Variants in ZBTB21 observed in about 807,000 individuals in gnomAD.
The protein encoded by ZBTB21 is zinc finger and BTB domain containing 21.
ZBTB21 carries 10 observed loss-of-function variants against 39.8 expected under a neutral mutation model. The observed-to-expected ratio is 0.25, with a 90% CI of 0.16 to 0.43. The LOEUF is 0.43. ZBTB21 is among the 20% of genes least tolerant of loss of function. The pLI is 1.00. For missense variants in ZBTB21, 1,221 were observed against 1,296.3 expected, an observed-to-expected ratio of 0.94 and a Z score of 0.89; for synonymous variants, 551 against 498.8, an observed-to-expected ratio of 1.10 and a Z score of -1.40.
chr21:41,991,112 T>C lies in ZBTB21; in HGVS notation c.2984A>G (p.Lys995Arg). 1.2e-6 allele frequency: 2 copies of C among 1,613,398 alleles called. No homozygotes were observed. Among genetic ancestry groups the C allele is most frequent in the Non-Finnish European group, 1.7e-6 (2 of 1,179,654 alleles). The change falls in exon 3 of 3, where the codon AAG becomes AGG. Residue 995 changes from lysine to arginine, a missense_variant. Around this residue, in one of 4 missense-constraint regions of ZBTB21, gnomAD observed 523 missense variants for 542.5 expected, o/e 0.96. Transcript: ENST00000310826. This position sits in a 1 kb window ranked among gnomAD's most constrained non-coding sequence, Gnocchi z 4.9. ...GCTGTCAGGCTCCAGAGGCTGGATC[T>C]TGGGCAGTGGTGGTGGCGGTGGCAG... is the stretch of plus-strand genomic sequence containing the variant. ...PPLPPPPPLPKIQPLEPDSPT... is the reference protein window; with the variant it reads ...PPLPPPPPLPRIQPLEPDSPT...
intron 1 of ZBTB21, among the ~76,000 whole-genome samples, chr21:42,007,423 T>A (rs749160890): frequency 2.0e-5 from 3 of 152,198 alleles, no homozygotes; most frequent in African/African-American, 7.2e-5. Flanking sequence ...TTACAATTCA[T>A]CTCTCCACCC....
intron 2 of ZBTB21, chr21:42,002,439 A>G (rs1433080907): frequency 3.3e-5 from 5 of 152,214 alleles, no homozygotes; most frequent in Admixed American, 3.3e-4. Context: ...ATCCAGCAAG[A>G]CTGTTTGTGG....
Position 41,987,281 on chromosome 21 carries a change from T to C in ZBTB21, c.*3614A>G, listed in dbSNP as rs915318879. ...GAATTTTTAAAAACACCTGACATTG[T>C]AACTCATTTTTTCTCCTCCAGAATC... On this transcript the variant is annotated 3_prime_UTR_variant, in exon 3 of 3. Transcript: ENST00000310826. 1 of 152,172 alleles carries C rather than the reference T, an allele frequency of 6.6e-6. No individual in the cohort carries two copies. Among genetic ancestry groups the C allele is most frequent in the Non-Finnish European group, 1.5e-5 (1 of 68,024 alleles). The allele number at this position is 152,172 out of a possible 1,614,324, so 9.4% of individuals were successfully genotyped here.
At chr21:42,001,116 G>A (rs550447472) in intron 2 of ZBTB21, among the ~76,000 whole-genome samples, 5 of 152,204 alleles carry the variant, frequency 3.3e-5, no homozygotes, top group Admixed American at 6.5e-5. Context: ...AGGCACAGAC[G>A]GTCAAGTAAC....
At chr21:41,994,875 C>T (rs910816716) in intron 2 of ZBTB21, among the ~76,000 whole-genome samples, 15 of 152,280 alleles carry the variant, frequency 9.9e-5, no homozygotes, top group South Asian at 4.1e-4. Flanking sequence ...GGGTCTTTCT[C>T]GTTCTCTTCT....
Position 41,992,727 on chromosome 21 carries a change from C to G in ZBTB21, c.1369G>C (p.Ala457Pro). Residue 457 changes from alanine to proline, a missense_variant, in exon 3 of 3, where the codon GCC (alanine) becomes CCC (proline). By Grantham distance (27) the Ala-to-Pro change is conservative. Around this residue, in one of 4 missense-constraint regions of ZBTB21, gnomAD observed 500 missense variants for 465.6 expected, o/e 1.07. Transcript: ENST00000310826. This position sits in a 1 kb window ranked among gnomAD's most constrained non-coding sequence, Gnocchi z 4.1. The stretch of plus-strand genomic sequence containing the variant: ...TCTCTTGTGACCGACGAAGATGAGG[C>G]AGCTGCTGTTGTTGCCGCATCTCCC... Reference protein sequence around the residue: ...TVGDAATTAAASSSSVTRDLS... With the variant: ...TVGDAATTAAPSSSSVTRDLS... The G allele has an allele frequency of 6.2e-7, 1 of 1,614,192 alleles. No individual in the cohort carries two copies. Among genetic ancestry groups the G allele is most frequent in the Non-Finnish European group, 8.5e-7 (1 of 1,180,042 alleles).
rs758841154 is a variant in ZBTB21 at position 41,992,612 on chromosome 21, T to C, written c.1484A>G (p.Lys495Arg). The change falls in exon 3 of 3, where the codon AAG becomes AGG. Residue 495 changes from lysine to arginine, a missense_variant. Transcript: ENST00000310826. This position sits in a 1 kb window ranked among gnomAD's most constrained non-coding sequence, Gnocchi z 4.1. ...CCCGTGCTCATTCACCTTTAACTTC[T>C]TAAACGGCAATCTTCGGTCCGCTTG... ...RFQADRRLPF[K>R]KLKVNEHGSP... The C allele has an allele frequency of 8.1e-6, 13 of 1,614,112 alleles. No individual in the cohort carries two copies. Among genetic ancestry groups the C allele is most frequent in the South Asian group, 1.1e-5 (1 of 91,090 alleles).
intron 1 of ZBTB21, among the ~76,000 whole-genome samples, chr21:42,008,260 C>T (rs2065904107): frequency 7.3e-6 from 1 of 137,628 alleles, no homozygotes; most frequent in African/African-American, 2.8e-5. Flanking sequence ...AATCCCAGCA[C>T]TTTGGGAGAC....
In ZBTB21 at chr21:41,991,010, T is replaced by C; in HGVS notation, c.3086A>G (p.Tyr1029Cys). 1 of 1,568,610 alleles carries C rather than the reference T, an allele frequency of 6.4e-7. No individual in the cohort carries two copies. The highest frequency in any genetic ancestry group is 2.2e-5 in the East Asian group (1 of 44,526). ...FVPQESDTLF[Y>C]HAPPLSAITF... ...GATTGCTGAAAGGGGTGGGGCATGGTAAAAAAGGGTGTCTGATTCTTGGGG... is the reference window on the plus strand; with the variant it reads ...GATTGCTGAAAGGGGTGGGGCATGGCAAAAAAGGGTGTCTGATTCTTGGGG... Residue 1029 changes from tyrosine to cysteine, a missense_variant, in exon 3 of 3, where the codon TAC (tyrosine) becomes TGC (cysteine). By Grantham distance (194) the Tyr-to-Cys change is radical. This residue lies in a region of ZBTB21 where 523 missense variants were observed against 542.5 expected (regional missense o/e 0.96). Coordinates refer to ENST00000310826, the MANE Select transcript of ZBTB21 (RefSeq NM_001098402.2). The surrounding 1 kb of genome is among the most constrained non-coding windows in gnomAD (Gnocchi z 4.9).
In ZBTB21 at chr21:41,993,307, T is replaced by G; in HGVS notation, c.789A>C (p.Pro263=). The G allele has an allele frequency of 2.5e-6, 4 of 1,613,350 alleles. No homozygotes were observed. The highest frequency in any genetic ancestry group is 3.4e-6 in the Non-Finnish European group (4 of 1,179,968). ...DDKPGVSGQL[P]KGKALELALK... ...AAGCCAGCTCTAGAGCTTTTCCTTT[T>G]GGAAGCTGACCACTCACACCTGGTT... The change falls in exon 3 of 3, where the codon CCA becomes CCC. Residue 263 remains proline, a synonymous_variant. Coordinates refer to ENST00000310826, the MANE Select transcript of ZBTB21 (RefSeq NM_001098402.2).
chr21:42,003,669 C>T (rs79611575), intron 1 of ZBTB21, among the ~76,000 whole-genome samples: 3 of 152,302 alleles, frequency 2.0e-5, no homozygotes, highest in East Asian at 1.9e-4. Flanking sequence ...GGATTAGGGA[C>T]GCTGAACCAC....
rs1456435834 is a variant in ZBTB21, at chr21:41,988,005, T to C, written c.*2890A>G. The C allele has an allele frequency of 3.3e-5, 5 of 152,140 alleles. No homozygotes were observed. The highest frequency in any genetic ancestry group is 7.4e-5 in the Non-Finnish European group (5 of 68,014). 9.4% of individuals were successfully genotyped at this position (152,140 alleles called of 1,614,324 possible). A position where few individuals can be genotyped will look rare whatever the true frequency, so the allele number is the denominator to read the frequency against. ...ACCAGAAAACCAAGAACATCACACATCTCCCCACAAATGCAAAGAACATCA... is the reference window on the plus strand; with the variant it reads ...ACCAGAAAACCAAGAACATCACACACCTCCCCACAAATGCAAAGAACATCA... On this transcript the variant is annotated 3_prime_UTR_variant, in exon 3 of 3. Transcript: ENST00000310826.
In ZBTB21 at chr21:41,991,805, T is replaced by C. The variant is rs750786740; in HGVS notation, c.2291A>G (p.Gln764Arg). 12 of 1,614,250 alleles carry C rather than the reference T, an allele frequency of 7.4e-6. No individual in the cohort carries two copies. Among genetic ancestry groups the C allele is most frequent in the Non-Finnish European group, 9.3e-6 (11 of 1,180,050 alleles). ...ATACTCACACTTGCTCTCGTGTTCT[T>C]GCTTCAGCTCGGGCGAGAAAAACCT... ...SLRFFSPELK[Q>R]EHESKCEYKK... The change falls in exon 3 of 3, where the codon CAA (glutamine) becomes CGA (arginine). Residue 764 changes from glutamine to arginine, a missense_variant. Around this residue, in one of 4 missense-constraint regions of ZBTB21, gnomAD observed 523 missense variants for 542.5 expected, o/e 0.96. Coordinates refer to ENST00000310826, the MANE Select transcript of ZBTB21 (RefSeq NM_001098402.2). This position sits in a 1 kb window ranked among gnomAD's most constrained non-coding sequence, Gnocchi z 4.9.
At chr21:42,008,540 C>CAA (rs68176203) in intron 1 of ZBTB21, among the ~76,000 whole-genome samples, 1,150 of 60,276 alleles carry the variant, frequency 0.019, 34 homozygotes, top group African/African-American at 0.064. Context: ...GAAACTCTGT[C>CAA]AAAAAAAAAA....
chr21:41,993,913 A>G lies in ZBTB21; in HGVS notation c.183T>C (p.Asn61=). 6.2e-7 allele frequency: 1 copy of G among 1,614,132 alleles called. No individual in the cohort carries two copies. ...ATACAGTTTGTGACTCATTTTCCTT[A>G]TTTGTGAATAAACTCTGAAAGTATT... The part of the protein sequence containing the change: ...SSEYFQSLFT[N]KENESQTVFQ... The change falls in exon 3 of 3, where the codon AAT becomes AAC. Residue 61 remains asparagine (N), a synonymous_variant. Transcript: ENST00000310826.
Position 41,993,946 on chromosome 21 carries a change from G to A in ZBTB21, c.150C>T (p.Ala50=). Residue 50 remains alanine (A), a synonymous_variant, in exon 3 of 3, where the codon GCC becomes GCT. Coordinates refer to ENST00000310826, the MANE Select transcript of ZBTB21 (RefSeq NM_001098402.2). Reference sequence around the variant, plus strand: ...ATAAACTCTGAAAGTATTCGCTGCTGGCAGCCAAGACGTTTTTATGAGCTC... The same window carrying A: ...ATAAACTCTGAAAGTATTCGCTGCTAGCAGCCAAGACGTTTTTATGAGCTC... ...KFRAHKNVLA[A]SSEYFQSLFT... The A allele has an allele frequency of 6.2e-7, 1 of 1,614,238 alleles. No individual in the cohort carries two copies. The highest frequency in any genetic ancestry group is 8.5e-7 in the Non-Finnish European group (1 of 1,180,048).
chr21:42,008,563 GAAAAAAAGAA>G (rs1434569616), intron 1 of ZBTB21, among the ~76,000 whole-genome samples: 2 of 102,750 alleles, frequency 1.9e-5, no homozygotes, highest in African/African-American at 6.9e-5. Flanking sequence ...AAAAAAAAAA[GAAAAAAAGAA>G]AAGAAAAGAA....
intron 1 of ZBTB21, among the ~76,000 whole-genome samples, chr21:42,005,471 G>C (rs940598054): frequency 6.6e-6 from 1 of 152,180 alleles, no homozygotes; most frequent in Admixed American, 6.5e-5. Flanking sequence ...AGTTAGCTTG[G>C]TTTTTGTCCT....
At position 41,989,264 on chromosome 21, in the gene ZBTB21, T is replaced by C. The variant is rs889084562; in HGVS notation, c.*1631A>G. ...ATGTACAAAGTCAATCAGTATTTTA[T>C]AAAAATGTCTGGTTCAATAAAAAAA... On this transcript the variant is annotated 3_prime_UTR_variant, in exon 3 of 3. Transcript: ENST00000310826. 5 of 152,110 alleles carry C rather than the reference T, an allele frequency of 3.3e-5. No individual in the cohort carries two copies. Among genetic ancestry groups the C allele is most frequent in the African/African-American group, 1.2e-4 (5 of 41,448 alleles). The allele number at this position is 152,110 out of a possible 1,614,324, so 9.4% of individuals were successfully genotyped here. A position where few individuals can be genotyped will look rare whatever the true frequency, so the allele number is the denominator to read the frequency against.
Sources: gnomAD v4.1 joint callset for allele counts (sites outside exome capture counted in the v4.1 genomes callset) on GRCh38, gnomAD v4.1.1 for gene constraint, gnomAD v4.1.1 regional missense constraint, Gnocchi (gnomAD v3.1) non-coding constraint, MANE v1.5 for transcripts, NCBI Gene and HGNC (gene_info 2026-07-23, HGNC 2026-07-21) for gene names.